The following PDK1 variants were observed in gnomAD, a reference collection of about 807,000 sequenced individuals.
The protein encoded by PDK1 is [Pyruvate dehydrogenase (acetyl-transferring)] kinase isozyme 1, mitochondrial.
In PDK1, 39 loss-of-function variants were observed where a neutral mutation model predicts 54.2. The ratio of observed to expected loss-of-function variants is 0.72; its 90% CI spans 0.56 to 0.94. PDK1 has a LOEUF of 0.94. PDK1 is among the 40% of genes least tolerant of loss of function. The pLI is 0.00. For missense variants in PDK1, 552 were observed against 566.0 expected, an observed-to-expected ratio of 0.98 and a Z score of 0.25; for synonymous variants, 221 against 207.1, an observed-to-expected ratio of 1.07 and a Z score of -0.58.
At chr2:172,561,840 A>G (rs866424231) in intron 2 of PDK1, among the ~76,000 whole-genome samples, 4 of 152,210 alleles carry the variant, frequency 2.6e-5, no homozygotes, top group Admixed American at 1.3e-4. Flanking sequence ...CCTTTTACTG[A>G]TAATAAGACA....
At chr2:172,556,542 G>C (rs573893037) in intron 1 of PDK1, 196 bp downstream of exon 1, 139 of 445,562 alleles carry the variant, frequency 3.1e-4, no homozygotes, top group African/African-American at 2.6e-3. Context: ...CGTAAATAAC[G>C]GTGGGCGTGT....
chr2:172,566,297 A>G (rs1412621258), intron 5 of PDK1, among the ~76,000 whole-genome samples: 5 of 152,084 alleles, frequency 3.3e-5, no homozygotes, highest in East Asian at 1.9e-4. Context: ...GCTCATGCCT[A>G]TAATCCCAGC....
At chr2:172,686,206 A>C in the PDK1 span, among the ~76,000 whole-genome samples, 21 of 152,358 alleles carry the variant, frequency 1.4e-4, no homozygotes, top group East Asian at 4.0e-3. Flanking sequence ...AACACAGCCC[A>C]GCACCTGTGG....
At chr2:172,675,392 G>T in the PDK1 span, among the ~76,000 whole-genome samples, 1 of 152,296 alleles carries the variant, frequency 6.6e-6, no homozygotes, top group South Asian at 2.1e-4. Context: ...GAATGCAAAA[G>T]AAAAATTGCT....
intron 8 of PDK1, among the ~76,000 whole-genome samples, chr2:172,578,890 A>G (rs1689723962): frequency 6.6e-6 from 1 of 152,162 alleles, no homozygotes; most frequent in African/African-American, 2.4e-5. Context: ...AGTCTTTGCC[A>G]AGGGACTCTG....
chr2:172,675,246 A>G, the PDK1 span, among the ~76,000 whole-genome samples: 2 of 152,184 alleles, frequency 1.3e-5, no homozygotes, highest in Admixed American at 1.3e-4. Context: ...GTGGCCTCTA[A>G]GTGTTCAAGT....
intron 9 of PDK1, among the ~76,000 whole-genome samples, chr2:172,587,629 TG>T (rs1454217591): frequency 6.6e-6 from 1 of 151,396 alleles, no homozygotes. Flanking sequence ...TTCTACAGCC[TG>T]GAAGGGTACC....
chr2:172,621,565 T>A, the PDK1 span, among the ~76,000 whole-genome samples: 1 of 147,158 alleles, frequency 6.8e-6, no homozygotes, highest in Non-Finnish European at 1.5e-5. Flanking sequence ...TGTTTATATA[T>A]TTATATTATA....
intron 1 of PDK1, chr2:172,556,713 C>G (rs909153968): frequency 6.0e-5 from 12 of 200,000 alleles, no homozygotes; most frequent in Admixed American, 1.2e-4. Context: ...CGTTTGGATT[C>G]CGTGCAGTGA....
the PDK1 span, among the ~76,000 whole-genome samples, chr2:172,640,118 A>G: frequency 6.6e-6 from 1 of 152,232 alleles, no homozygotes; most frequent in South Asian, 2.1e-4. Context: ...CAAATGGACA[A>G]TGTGATAGAG....
At chr2:172,696,140 C>A in the PDK1 span, among the ~76,000 whole-genome samples, 10 of 148,128 alleles carry the variant, frequency 6.8e-5, 1 homozygote, top group South Asian at 2.1e-3. Flanking sequence ...CCATTGCACT[C>A]CAGCCTGGGC....
the PDK1 span, among the ~76,000 whole-genome samples, chr2:172,693,509 T>C: frequency 0.012 from 1,858 of 152,344 alleles, 17 homozygotes; most frequent in Middle Eastern, 0.031. Flanking sequence ...ATTTGGTATA[T>C]GTAAAATGCT....
chr2:172,558,644 G>T, intron 1 of PDK1, 64 bp from the exon 2 acceptor site: 1 of 1,406,384 alleles, frequency 7.1e-7, no homozygotes, highest in East Asian at 2.4e-5. Context: ...ATTTCTCTCA[G>T]CCTCTTGCCT....
At chr2:172,587,120 G>A (rs1690274819) in intron 9 of PDK1, among the ~76,000 whole-genome samples, 1 of 152,174 alleles carries the variant, frequency 6.6e-6, no homozygotes, top group South Asian at 2.1e-4. Flanking sequence ...GAAGTTACTA[G>A]GACTTTATTC....
In PDK1 at chr2:172,598,175, A is replaced by G. The variant is rs1468350481; in HGVS notation, c.*2206A>G. 6.6e-6 allele frequency: 1 copy of G among 152,220 alleles called. No individual in the cohort carries two copies. The highest frequency in any genetic ancestry group is 2.4e-5 in the African/African-American group (1 of 41,456). 9.4% of individuals were successfully genotyped at this position (152,220 alleles called of 1,614,324 possible). A position where few individuals can be genotyped will look rare whatever the true frequency, so the allele number is the denominator to read the frequency against. ...TCTTATAATGTTGAAATGTTTTAGAATCCTTTGAATCTAAGTATTTGTTTC... is the reference window on the plus strand; with the variant it reads ...TCTTATAATGTTGAAATGTTTTAGAGTCCTTTGAATCTAAGTATTTGTTTC... On this transcript the variant is annotated 3_prime_UTR_variant, in exon 11 of 11. Coordinates refer to ENST00000282077, the MANE Select transcript of PDK1 (RefSeq NM_002610.5).
At chr2:172,559,422 G>A (rs1469483562) in intron 2 of PDK1, among the ~76,000 whole-genome samples, 1 of 152,120 alleles carries the variant, frequency 6.6e-6, no homozygotes, top group Non-Finnish European at 1.5e-5. Context: ...TATCTTCAAG[G>A]ATATTATAAG....
chr2:172,624,478 A>C, the PDK1 span, among the ~76,000 whole-genome samples: 3 of 152,130 alleles, frequency 2.0e-5, no homozygotes, highest in Non-Finnish European at 2.9e-5. Context: ...GGAAAATCTA[A>C]TGCCTGATGA....
chr2:172,637,322 G>T, the PDK1 span, among the ~76,000 whole-genome samples: 2 of 152,158 alleles, frequency 1.3e-5, no homozygotes, highest in African/African-American at 4.8e-5. Flanking sequence ...CATTTCACAT[G>T]CTCCCCGCTA....
chr2:172,652,711 T>C, the PDK1 span, among the ~76,000 whole-genome samples: 11 of 152,166 alleles, frequency 7.2e-5, no homozygotes, highest in Non-Finnish European at 1.5e-4. Flanking sequence ...AGTGAACTCC[T>C]ATTCACAATT....
Sources: allele counts gnomAD v4.1 joint callset (sites outside exome capture counted in the v4.1 genomes callset), GRCh38; gene constraint gnomAD v4.1.1; transcripts MANE v1.5; gene names NCBI Gene and HGNC (gene_info 2026-07-23, HGNC 2026-07-21).